The following ANAPC10 variants were observed in gnomAD, a reference collection of about 807,000 sequenced individuals.
ANAPC10 encodes the protein anaphase-promoting complex subunit 10.
Under a neutral mutation model 22.0 loss-of-function variants are expected in ANAPC10, and 12 were observed. The ratio of observed to expected loss-of-function variants is 0.55; its 90% CI spans 0.35 to 0.88. The LOEUF is 0.88. Among genes scored for constraint, ANAPC10 ranks in the 40% least tolerant of loss-of-function variants. The pLI is 0.01. For missense variants in ANAPC10, 188 were observed against 220.9 expected (o/e 0.85, Z 0.94); for synonymous variants, 65 against 69.5 (o/e 0.94, Z 0.32).
intron 4 of ANAPC10, among the ~76,000 whole-genome samples, chr4:145,052,192 C>T (rs1741207440): frequency 6.6e-6 from 1 of 152,064 alleles, no homozygotes. Flanking sequence ...ATCTACTGTG[C>T]ATCACTATGA....
Position 145,036,405 on chromosome 4 carries a change from T to C in ANAPC10, c.327+28167A>G, listed in dbSNP as rs116559399. On this transcript the variant is annotated intron_variant, in intron 4 of 4. Transcript: ENST00000507656. ...TATGAAAGTAAATATTTCTACAATT[T>C]TTTAACAAAAATTGGCTAACATAGC... Among the ~76,000 whole-genome samples the C allele has an allele frequency of 4.0e-3, 615 of 152,344 alleles. 7 individuals carry two copies. Among genetic ancestry groups the C allele is most frequent in the African/African-American group, 0.014 (569 of 41,586 alleles).
chr4:145,054,276 G>A (rs1357298066), intron 4 of ANAPC10, among the ~76,000 whole-genome samples: 1 of 150,936 alleles, frequency 6.6e-6, no homozygotes, highest in Non-Finnish European at 1.5e-5. Flanking sequence ...ACCACACCAG[G>A]CGCGGTAGCT....
At chr4:145,029,956 C>G (rs940046039) in intron 4 of ANAPC10, among the ~76,000 whole-genome samples, 3 of 152,144 alleles carry the variant, frequency 2.0e-5, no homozygotes, top group African/African-American at 7.2e-5. Flanking sequence ...GGTCACTCAA[C>G]TACAAAATTT....
At chr4:145,080,137 A>AAAAC (rs1745782814) in intron 3 of ANAPC10, among the ~76,000 whole-genome samples, 2 of 150,386 alleles carry the variant, frequency 1.3e-5, no homozygotes, top group Non-Finnish European at 3.0e-5. Flanking sequence ...AAAAAAAAAA[A>AAAAC]ACACACATTG....
intron 3 of ANAPC10, among the ~76,000 whole-genome samples, chr4:145,081,226 TAAA>T (rs70956825): frequency 8.6e-6 from 1 of 115,722 alleles, no homozygotes; most frequent in African/African-American, 3.2e-5. Context: ...AGGTTCTAAG[TAAA>T]AAAAAAAAAA....
chr4:145,033,659 G>A (rs913539727), intron 4 of ANAPC10, among the ~76,000 whole-genome samples: 11 of 152,158 alleles, frequency 7.2e-5, no homozygotes, highest in Non-Finnish European at 1.5e-4. Flanking sequence ...GACTACAAAT[G>A]ACCCAGACCC....
rs1736807917 is a variant in ANAPC10, at chr4:145,026,973, A to G, written c.328-31370T>C. Among the ~76,000 whole-genome samples, 9 of 30,256 alleles carry G rather than the reference A, an allele frequency of 3.0e-4. 1 individual carries two copies. Among genetic ancestry groups the G allele is most frequent in the African/African-American group, 4.7e-4 (3 of 6,336 alleles). 19.8% of individuals were successfully genotyped at this position (30,256 alleles called of 152,430 possible). On this transcript the variant is annotated intron_variant, in intron 4 of 4. Coordinates refer to ENST00000507656, the MANE Select transcript of ANAPC10 (RefSeq NM_001256706.2). ...TGTGTGTGTGTATATATATATATAT[A>G]TATATATATATATATTTTTTTTTTT... is the stretch of plus-strand genomic sequence containing the variant.
intron 4 of ANAPC10, among the ~76,000 whole-genome samples, chr4:145,005,346 G>A (rs900350596): frequency 2.0e-5 from 3 of 151,996 alleles, no homozygotes; most frequent in Non-Finnish European, 4.4e-5. Context: ...CTGTATTTTG[G>A]ATCTTTTCTC....
At chr4:145,048,532 T>A (rs1740651354) in intron 4 of ANAPC10, among the ~76,000 whole-genome samples, 1 of 152,142 alleles carries the variant, frequency 6.6e-6, no homozygotes, top group African/African-American at 2.4e-5. Context: ...GTCTACTTAA[T>A]CACATGTGTC....
At chr4:145,081,846 G>T in intron 2 of ANAPC10, 96 bp from the exon 3 acceptor site, 1 of 880,926 alleles carries the variant, frequency 1.1e-6, no homozygotes, top group South Asian at 1.5e-5. Context: ...CAGAAATTTT[G>T]ATAAACAGAA....
chr4:145,077,446 T>C (rs1745355001), intron 3 of ANAPC10, among the ~76,000 whole-genome samples: 1 of 151,962 alleles, frequency 6.6e-6, no homozygotes, highest in Admixed American at 6.6e-5. Context: ...CCAGAGTATA[T>C]GAAAGAGCTG....
intron 2 of ANAPC10, among the ~76,000 whole-genome samples, chr4:145,088,590 C>T (rs761434998): frequency 6.6e-6 from 1 of 152,022 alleles, no homozygotes; most frequent in Non-Finnish European, 1.5e-5. Flanking sequence ...ATCCCAAAGC[C>T]ATCATTCCTT....
rs1233426066 is a variant in ANAPC10 at position 145,064,708 on chromosome 4, T to A, written c.207-16A>T. The A allele has an allele frequency of 2.0e-6, 3 of 1,486,806 alleles. No homozygotes were observed. The highest frequency in any genetic ancestry group is 2.7e-6 in the Non-Finnish European group (3 of 1,110,980). 92.1% of individuals were successfully genotyped at this position (1,486,806 alleles called of 1,614,324 possible). On this transcript the variant is annotated splice_polypyrimidine_tract_variant and intron_variant, in intron 3 of 4. Transcript: ENST00000507656. ...TGTTTTTCTTCTAAAAGCAATAAAG[T>A]AAAAATAACATGCACTTCATCATAT...
intron 4 of ANAPC10, among the ~76,000 whole-genome samples, chr4:145,010,581 C>G (rs1244910381): frequency 6.6e-6 from 1 of 152,170 alleles, no homozygotes; most frequent in Non-Finnish European, 1.5e-5. Context: ...AGACAGAACA[C>G]CGAACACCAC....
intron 2 of ANAPC10, among the ~76,000 whole-genome samples, chr4:145,092,779 T>C (rs568999684): frequency 1.1e-4 from 17 of 152,224 alleles, no homozygotes; most frequent in Non-Finnish European, 2.2e-4. Context: ...TTCTCTCCCA[T>C]AGAGGAAAGG....
intron 2 of ANAPC10, among the ~76,000 whole-genome samples, chr4:145,085,138 G>A (rs113028052): frequency 7.2e-5 from 11 of 152,100 alleles, no homozygotes; most frequent in South Asian, 4.1e-4. Context: ...TTAGCCAGGC[G>A]TGATGGCACT....
intron 4 of ANAPC10, among the ~76,000 whole-genome samples, chr4:145,032,856 C>A (rs960780884): frequency 1.3e-5 from 2 of 152,228 alleles, no homozygotes; most frequent in Admixed American, 1.3e-4. Context: ...TTTGTCTTCA[C>A]TGGAATAGAC....
intron 3 of ANAPC10, among the ~76,000 whole-genome samples, chr4:145,069,097 G>A (rs186399359): frequency 3.9e-5 from 6 of 152,316 alleles, no homozygotes; most frequent in African/African-American, 1.4e-4. Flanking sequence ...GCTCATGAAG[G>A]TTAACTGCTA....
At chr4:145,011,219 T>C (rs1487696452) in intron 4 of ANAPC10, among the ~76,000 whole-genome samples, 1 of 151,604 alleles carries the variant, frequency 6.6e-6, no homozygotes, top group Non-Finnish European at 1.5e-5. Context: ...GTAATCCTAG[T>C]TACTCTACTC....
Sources: allele counts gnomAD v4.1 joint callset (sites outside exome capture counted in the v4.1 genomes callset), GRCh38; gene constraint gnomAD v4.1.1; transcripts MANE v1.5; gene names NCBI Gene and HGNC (gene_info 2026-07-23, HGNC 2026-07-21).